SPIRE1: variants seen among roughly 807,000 people sequenced by gnomAD.
SPIRE1 encodes protein spire homolog 1.
Under a neutral mutation model 94.1 loss-of-function variants are expected in SPIRE1, and 40 were observed. The ratio of observed to expected loss-of-function variants is 0.43; its 90% CI spans 0.33 to 0.55. SPIRE1 has a LOEUF of 0.55. Ranked by LOEUF, SPIRE1 falls within the 20% of genes least tolerant of loss-of-function variation. The pLI is 0.06. For missense variants in SPIRE1, 838 were observed against 975.2 expected (o/e 0.86, Z 1.87); for synonymous variants, 376 against 371.7 (o/e 1.01, Z -0.13).
intron 2 of SPIRE1, among the ~76,000 whole-genome samples, chr18:12,568,063 T>A (rs2035863341): frequency 6.6e-6 from 1 of 152,198 alleles, no homozygotes. Flanking sequence ...TTCCATTGCA[T>A]TAGGTTTCCC....
At chr18:12,523,466 G>A (rs958400491) in intron 4 of SPIRE1, among the ~76,000 whole-genome samples, 1 of 152,168 alleles carries the variant, frequency 6.6e-6, no homozygotes, top group African/African-American at 2.4e-5. Context: ...AATTTTGAAA[G>A]AAGTTCTACT....
chr18:12,546,603 G>A, intron 3 of SPIRE1, 71 bp downstream of exon 3: 6 of 1,133,886 alleles, frequency 5.3e-6, no homozygotes, highest in Non-Finnish European at 7.8e-6. Flanking sequence ...CATCTCTCCA[G>A]GGGGGGAAAA....
chr18:12,603,265 A>G (rs1445008810), intron 2 of SPIRE1, among the ~76,000 whole-genome samples: 1 of 152,198 alleles, frequency 6.6e-6, no homozygotes, highest in Non-Finnish European at 1.5e-5. Flanking sequence ...CTACACCATC[A>G]TAAAGTCGAA....
intron 2 of SPIRE1, among the ~76,000 whole-genome samples, chr18:12,550,907 C>T (rs907039767): frequency 6.6e-6 from 1 of 152,216 alleles, no homozygotes; most frequent in Admixed American, 6.5e-5. Flanking sequence ...GTCTACAGAT[C>T]CTTCCTCCTG....
chr18:12,495,352 G>C (rs1302750928), intron 7 of SPIRE1, among the ~76,000 whole-genome samples: 1 of 152,162 alleles, frequency 6.6e-6, no homozygotes, highest in African/African-American at 2.4e-5. Context: ...CATAGAAATG[G>C]ATGTACAGCA....
intron 2 of SPIRE1, among the ~76,000 whole-genome samples, chr18:12,554,684 CA>C (rs1355292219): frequency 6.6e-6 from 1 of 151,874 alleles, no homozygotes; most frequent in Non-Finnish European, 1.5e-5. Flanking sequence ...AAAGACACAT[CA>C]AAAAAAGAAA....
chr18:12,587,511 A>G (rs958058329), intron 2 of SPIRE1, among the ~76,000 whole-genome samples: 69 of 152,338 alleles, frequency 4.5e-4, no homozygotes, highest in African/African-American at 1.4e-3. Flanking sequence ...ATATTCTAAG[A>G]GAACACAGAA....
chr18:12,487,781 T>C (rs570745026), intron 8 of SPIRE1, among the ~76,000 whole-genome samples: 8 of 152,242 alleles, frequency 5.3e-5, no homozygotes, highest in Non-Finnish European at 1.0e-4. Flanking sequence ...CTAAATTGTA[T>C]ACTTTAAATG....
At chr18:12,620,172 T>TAAA (rs1328688910) in intron 2 of SPIRE1, among the ~76,000 whole-genome samples, 1 of 152,138 alleles carries the variant, frequency 6.6e-6, no homozygotes, top group Admixed American at 6.5e-5. Context: ...TCCCCTTTTT[T>TAAA]TGGAGTCAAC....
At chr18:12,548,547 T>C (rs1199443776) in intron 2 of SPIRE1, among the ~76,000 whole-genome samples, 1 of 152,100 alleles carries the variant, frequency 6.6e-6, no homozygotes, top group Admixed American at 6.5e-5. Context: ...ACTGAAAACA[T>C]GTAATATTTT....
chr18:12,658,783 G>A (rs1257861956), upstream of SPIRE1: 2 of 323,238 alleles, frequency 6.2e-6, no homozygotes, highest in Non-Finnish European at 1.3e-5. Flanking sequence ...GGTAAGCACC[G>A]TAAAGACGGG....
intron 1 of SPIRE1, among the ~76,000 whole-genome samples, chr18:12,649,457 C>G (rs2038316256): frequency 1.3e-5 from 2 of 152,114 alleles, no homozygotes; most frequent in South Asian, 4.1e-4. Flanking sequence ...TTTGGTAACT[C>G]AATATTTCCT....
At chr18:12,450,665 G>A in intron 16 of SPIRE1, 2 of 621,972 alleles carry the variant, frequency 3.2e-6, no homozygotes, top group South Asian at 1.9e-5. Flanking sequence ...CTACCACTGG[G>A]AAATGAAGGA....
chr18:12,537,614 C>CA (rs1417743915), intron 3 of SPIRE1, among the ~76,000 whole-genome samples: 1 of 152,030 alleles, frequency 6.6e-6, no homozygotes, highest in African/African-American at 2.4e-5. Flanking sequence ...CAATCTTACA[C>CA]ATAAAAAATC....
upstream of SPIRE1, among the ~76,000 whole-genome samples, chr18:12,659,783 G>A (rs547753619): frequency 6.2e-4 from 95 of 152,238 alleles, no homozygotes; most frequent in African/African-American, 2.1e-3. Context: ...TTAATTATAG[G>A]TTCATAATCT....
chr18:12,602,052 T>C (rs2036848173), intron 2 of SPIRE1, among the ~76,000 whole-genome samples: 1 of 152,138 alleles, frequency 6.6e-6, no homozygotes, highest in African/African-American at 2.4e-5. Context: ...TTCCAGGCCC[T>C]TTCACAGTGT....
intron 9 of SPIRE1, among the ~76,000 whole-genome samples, chr18:12,485,173 C>T (rs945834674): frequency 1.4e-5 from 2 of 147,804 alleles, no homozygotes; most frequent in Non-Finnish European, 3.0e-5. Flanking sequence ...GGCGCGATCT[C>T]GGCTCACTGC....
chr18:12,466,510 G>A (rs1017550735), intron 10 of SPIRE1, among the ~76,000 whole-genome samples: 1 of 151,988 alleles, frequency 6.6e-6, no homozygotes, highest in Non-Finnish European at 1.5e-5. Context: ...TTGAACTCCT[G>A]AGCTCATGAT....
chr18:12,556,622 C>T (rs879881671), intron 2 of SPIRE1, among the ~76,000 whole-genome samples: 3 of 151,538 alleles, frequency 2.0e-5, no homozygotes, highest in Non-Finnish European at 2.9e-5. Flanking sequence ...TGCAGACCTT[C>T]GCCATGAGTG....
Sources: gnomAD v4.1 joint callset for allele counts (sites outside exome capture counted in the v4.1 genomes callset) on GRCh38, gnomAD v4.1.1 for gene constraint, MANE v1.5 for transcripts, NCBI Gene and HGNC (gene_info 2026-07-23, HGNC 2026-07-21) for gene names.